The following NRXN3 variants were observed in gnomAD, a reference collection of about 807,000 sequenced individuals.
NRXN3 encodes the protein neurexin III.
Under a neutral mutation model 137.6 loss-of-function variants are expected in NRXN3, and 32 were observed. That is an observed-to-expected ratio of 0.23 (90% CI 0.18 to 0.31). The LOEUF is 0.31. NRXN3 is among the 10% of genes least tolerant of loss of function. NRXN3 has a pLI of 1.00. For synonymous variants in NRXN3, 798 were observed against 784.5 expected (o/e 1.02, Z -0.29); for missense variants, 1,574 against 2,062.5 (o/e 0.76, Z 4.59).
chr14:79,273,348 A>C (rs2079704896), intron 15 of NRXN3, among the ~76,000 whole-genome samples: 1 of 151,416 alleles, frequency 6.6e-6, no homozygotes, highest in Non-Finnish European at 1.5e-5. Context: ...AATAATAATA[A>C]AATGGGCCGG....
At chr14:79,160,905 G>T (rs1310814900) in intron 15 of NRXN3, among the ~76,000 whole-genome samples, 2 of 151,886 alleles carry the variant, frequency 1.3e-5, no homozygotes, top group Non-Finnish European at 2.9e-5. Context: ...TTAATTATTT[G>T]CTATATTCTG....
intron 4 of NRXN3, among the ~76,000 whole-genome samples, chr14:78,550,937 C>T (rs190591300): frequency 4.6e-5 from 7 of 152,140 alleles, no homozygotes; most frequent in South Asian, 2.1e-4. Flanking sequence ...TTGCAGAGTC[C>T]GATTGGTTGG....
intron 15 of NRXN3, among the ~76,000 whole-genome samples, chr14:79,048,693 AG>A (rs1296043602): frequency 1.3e-5 from 2 of 151,006 alleles, no homozygotes; most frequent in African/African-American, 4.9e-5. Context: ...CTGACTGATC[AG>A]GGTGGTGGCT....
intron 4 of NRXN3, among the ~76,000 whole-genome samples, chr14:78,422,924 CCT>C (rs1469204458): frequency 1.3e-5 from 2 of 152,100 alleles, no homozygotes; most frequent in African/African-American, 2.4e-5. Flanking sequence ...GGAAAATTCC[CCT>C]GATAATTATT....
At chr14:79,243,478 G>A (rs971231231) in intron 15 of NRXN3, among the ~76,000 whole-genome samples, 2 of 152,070 alleles carry the variant, frequency 1.3e-5, no homozygotes, top group Admixed American at 6.5e-5. Flanking sequence ...CTTTATGTGC[G>A]TTGTCATAAT....
At position 79,861,135 on chromosome 14, in the gene NRXN3, G is replaced by T. The variant is rs999991821; in HGVS notation, c.4094-207G>T. ...TCCATTACACTCCCCCCTACCTTTC[G>T]CCCCCTCCTCACCATTATTGAGACC... On this transcript the variant is annotated intron_variant, in intron 20 of 20. Transcript: ENST00000335750. This position sits in a 1 kb window ranked among gnomAD's most constrained non-coding sequence, Gnocchi z 5.4. The T allele has an allele frequency of 3.4e-6, 5 of 1,466,454 alleles. No homozygotes were observed. The highest frequency in any genetic ancestry group is 4.5e-6 in the Non-Finnish European group (5 of 1,113,368). 90.8% of individuals were successfully genotyped at this position (1,466,454 alleles called of 1,614,324 possible).
Position 79,218,748 on chromosome 14 carries a change from G to C in NRXN3, c.3262+230607G>C, listed in dbSNP as rs141700175. Among the ~76,000 whole-genome samples the C allele has an allele frequency of 3.6e-3, 541 of 152,262 alleles. 3 individuals are homozygous for C. Among genetic ancestry groups the C allele is most frequent in the Middle Eastern group, 0.02 (6 of 294 alleles). ...GAACAACAACAAAAAAGGTCAGAGAGCCTGGATCTAATCAGTAATGCAGTG... is the reference window on the plus strand; with the variant it reads ...GAACAACAACAAAAAAGGTCAGAGACCCTGGATCTAATCAGTAATGCAGTG... On this transcript the variant is annotated intron_variant, in intron 15 of 20. Transcript: ENST00000335750.
At chr14:79,498,056 CA>C in intron 16 of NRXN3, among the ~76,000 whole-genome samples, 1 of 151,482 alleles carries the variant, frequency 6.6e-6, no homozygotes, top group Non-Finnish European at 1.5e-5. Flanking sequence ...AACAAACAAA[CA>C]AAAAAAACCA....
chr14:79,110,864 C>T (rs1370155303), intron 15 of NRXN3, among the ~76,000 whole-genome samples: 2 of 151,598 alleles, frequency 1.3e-5, no homozygotes, highest in East Asian at 1.9e-4. Context: ...GATCTTGGCT[C>T]ACTGCAAACT....
chr14:79,521,910 T>C (rs1161439235), intron 16 of NRXN3, among the ~76,000 whole-genome samples: 3 of 152,184 alleles, frequency 2.0e-5, no homozygotes, highest in Admixed American at 6.6e-5. Context: ...GTAAATACCA[T>C]TTGTAAACTA....
chr14:79,464,586 A>C (rs1600688027), intron 15 of NRXN3, among the ~76,000 whole-genome samples: 1 of 152,200 alleles, frequency 6.6e-6, no homozygotes. Context: ...ATGGCCAGAC[A>C]AGCTTTTGAA....
intron 19 of NRXN3, among the ~76,000 whole-genome samples, chr14:79,752,001 A>G (rs1320755495): frequency 6.6e-6 from 1 of 152,124 alleles, no homozygotes; most frequent in Non-Finnish European, 1.5e-5. Context: ...TTTTTGCATC[A>G]ATGTTCATCA....
intron 4 of NRXN3, among the ~76,000 whole-genome samples, chr14:78,376,374 A>G (rs2087842557): frequency 6.6e-6 from 1 of 152,202 alleles, no homozygotes; most frequent in Non-Finnish European, 1.5e-5. Context: ...TTTTTCAAGA[A>G]TAGTAACAGA....
intron 4 of NRXN3, among the ~76,000 whole-genome samples, chr14:78,459,849 A>C (rs1275351733): frequency 1.3e-5 from 2 of 152,178 alleles, no homozygotes; most frequent in African/African-American, 4.8e-5. Context: ...GGTGGCCTCT[A>C]ATTAAATCAG....
At position 79,345,596 on chromosome 14, in the gene NRXN3, A is replaced by G. The variant is rs186905273; in HGVS notation, c.3263-121625A>G. Among the ~76,000 whole-genome samples, 321 of 152,284 alleles carry G rather than the reference A, an allele frequency of 2.1e-3. 5 individuals are homozygous for G. Among genetic ancestry groups the G allele is most frequent in the South Asian group, 0.021 (101 of 4,822 alleles). On this transcript the variant is annotated intron_variant, in intron 15 of 20. Transcript: ENST00000335750. ...CCCAGTGTTGGCGATGCAGCCTGGCAGGAGGTGATTGGGTCATGGGAGCAA... is the reference window on the plus strand; with the variant it reads ...CCCAGTGTTGGCGATGCAGCCTGGCGGGAGGTGATTGGGTCATGGGAGCAA...
intron 15 of NRXN3, among the ~76,000 whole-genome samples, chr14:79,180,753 GATAATA>G (rs1253414968): frequency 6.6e-6 from 1 of 151,922 alleles, no homozygotes; most frequent in Non-Finnish European, 1.5e-5. Flanking sequence ...TGAAAAAATT[GATAATA>G]ATAATAAATA....
At chr14:79,361,022 C>T (rs1224224559) in intron 15 of NRXN3, among the ~76,000 whole-genome samples, 2 of 152,074 alleles carry the variant, frequency 1.3e-5, no homozygotes, top group Non-Finnish European at 2.9e-5. Context: ...GAGGAATCAC[C>T]TGTGTGTATG....
intron 6 of NRXN3, among the ~76,000 whole-genome samples, chr14:78,665,959 C>T (rs1238485236): frequency 6.6e-6 from 1 of 152,132 alleles, no homozygotes; most frequent in African/African-American, 2.4e-5. Context: ...TCTTTATCCT[C>T]GAAAGTGAGG....
intron 15 of NRXN3, among the ~76,000 whole-genome samples, chr14:79,045,945 A>G (rs1169509436): frequency 6.6e-6 from 1 of 152,210 alleles, no homozygotes; most frequent in South Asian, 2.1e-4. Context: ...TAATTCAAAT[A>G]AATGTTCCTG....
Sources: allele counts gnomAD v4.1 joint callset (sites outside exome capture counted in the v4.1 genomes callset), GRCh38; gene constraint gnomAD v4.1.1; non-coding constraint Gnocchi (gnomAD v3.1); transcripts MANE v1.5; gene names NCBI Gene and HGNC (gene_info 2026-07-23, HGNC 2026-07-21).